Variants in ANKRD50 observed in about 807,000 individuals in gnomAD.
ANKRD50 encodes the protein ankyrin repeat domain-containing protein 50.
ANKRD50 carries 40 observed loss-of-function variants against 112.0 expected under a neutral mutation model. The observed-to-expected ratio is 0.36, with a 90% confidence interval of 0.28 to 0.46. ANKRD50 has a LOEUF of 0.46. Among genes scored for constraint, ANKRD50 ranks in the 20% least tolerant of loss-of-function variants. The probability of loss-of-function intolerance (pLI) is 1.00; values close to 1 mark genes in which losing one functional copy is unlikely to be tolerated. For missense variants in ANKRD50, 1,487 were observed against 1,701.7 expected, an observed-to-expected ratio of 0.87 and a Z score of 2.22; for synonymous variants, 613 against 619.1, an observed-to-expected ratio of 0.99 and a Z score of 0.15.
chr4:124,701,723 C>T (rs1403531829), intron 2 of ANKRD50, among the ~76,000 whole-genome samples: 1 of 151,790 alleles, frequency 6.6e-6, no homozygotes, highest in Non-Finnish European at 1.5e-5. Context: ...GATGGGGTCT[C>T]ACTGTGTTGC....
chr4:124,676,890 G>A (rs1730785892), intron 3 of ANKRD50, among the ~76,000 whole-genome samples: 1 of 151,490 alleles, frequency 6.6e-6, no homozygotes, highest in Non-Finnish European at 1.5e-5. Flanking sequence ...TGGAAAAAAG[G>A]CAAATTGATG....
In ANKRD50 at chr4:124,710,143, A is replaced by G. The variant is rs1480962795; in HGVS notation, c.369T>C (p.Val123=). The G allele has an allele frequency of 6.2e-7, 1 of 1,614,192 alleles. No individual in the cohort carries two copies. Among genetic ancestry groups the G allele is most frequent in the South Asian group, 1.1e-5 (1 of 91,084 alleles). Reference sequence around the variant, plus strand: ...CTACTAGACCTCTAATAAACCCTCCAACACACAAAGTATCAGAGTCCTGGG... The same window carrying G: ...CTACTAGACCTCTAATAAACCCTCCGACACACAAAGTATCAGAGTCCTGGG... The part of the protein sequence containing the change: ...CKAQDSDTLC[V]GGFIRGLVAQ... The change falls in exon 2 of 5, where the codon GTT becomes GTC. Residue 123 remains valine, a synonymous_variant. Transcript: ENST00000504087.
chr4:124,682,178 C>T lies in ANKRD50; in HGVS notation c.513-3273G>A, dbSNP rs1323163910. 2.4e-3 allele frequency among the ~76,000 whole-genome samples: 361 copies of T among 151,640 alleles called. 2 individuals are homozygous for T. Among genetic ancestry groups the T allele is most frequent in the African/African-American group, 8.3e-3 (344 of 41,318 alleles). On this transcript the variant is annotated intron_variant, in intron 2 of 4. Coordinates refer to ENST00000504087, the MANE Select transcript of ANKRD50 (RefSeq NM_020337.3). ...AAAAATACAAAAAATTAGCCGGGCG[C>T]GGTGGCAGGCGCCTGTAGTCCCAGC...
rs1377583354 is a variant in ANKRD50, at chr4:124,670,609, C to T, written c.2668G>A (p.Glu890Lys). ...GRIPFILASQ[E>K]GHYDCVQILL... is the part of the protein sequence containing the mutation. ...ATTTGAACACAATCATAATGACCCT[C>T]TTGTGAAGCTAATATGAAAGGGATT... The change falls in exon 4 of 5, where the codon GAG becomes AAG. Residue 890 changes from glutamate to lysine, a missense_variant. By Grantham distance (56) the Glu-to-Lys change is moderately conservative. Transcript: ENST00000504087. The T allele has an allele frequency of 1.9e-6, 3 of 1,613,404 alleles. No homozygotes were observed. In the African/African-American group the frequency reaches 4.0e-5, roughly 22 times the overall value.
chr4:124,681,315 T>C (rs7656458), intron 2 of ANKRD50, among the ~76,000 whole-genome samples: 45,837 of 152,022 alleles, frequency 0.3, 7,179 homozygotes, highest in East Asian at 0.38. Context: ...CCAGGAAAGG[T>C]AATCAAGGCA....
In ANKRD50 at chr4:124,710,043, G is replaced by T. The variant is rs769084527; in HGVS notation, c.469C>A (p.Gln157Lys). The change falls in exon 2 of 5, where the codon CAG (glutamine) becomes AAG (lysine). Residue 157 changes from glutamine to lysine, a missense_variant. Physicochemically the swap from Gln to Lys is moderately conservative, Grantham distance 53. Transcript: ENST00000504087. ...GGGTTTCTCTCGCACTCCCCAGGCTGTAAGAGGCTTTGGACTGCTGGATCC... is the reference window on the plus strand; with the variant it reads ...GGGTTTCTCTCGCACTCCCCAGGCTTTAAGAGGCTTTGGACTGCTGGATCC... ...LRDPAVQSLL[Q>K]PGECERNPAE... 4 of 1,614,162 alleles carry T rather than the reference G, an allele frequency of 2.5e-6. No individual in the cohort carries two copies. The highest frequency in any genetic ancestry group is 2.5e-6 in the Non-Finnish European group (3 of 1,180,038).
intron 2 of ANKRD50, among the ~76,000 whole-genome samples, chr4:124,686,533 A>G (rs1725011554): frequency 6.6e-6 from 1 of 152,180 alleles, no homozygotes; most frequent in Admixed American, 6.5e-5. Context: ...ACCCCTATGG[A>G]AAAGCCTTAA....
chr4:124,676,352 AAAT>A (rs942593371), intron 3 of ANKRD50, among the ~76,000 whole-genome samples: 21 of 151,702 alleles, frequency 1.4e-4, no homozygotes, highest in African/African-American at 3.6e-4. Context: ...ATATAATTTA[AAAT>A]AATAATAATG....
rs1407827408 is a variant in ANKRD50 at position 124,665,369 on chromosome 4, C to T, written c.*2149G>A. 6.6e-6 allele frequency: 1 copy of T among 152,228 alleles called. No individual in the cohort carries two copies. The highest frequency in any genetic ancestry group is 2.4e-5 in the African/African-American group (1 of 41,400). 9.4% of individuals were successfully genotyped at this position (152,228 alleles called of 1,614,324 possible). On this transcript the variant is annotated 3_prime_UTR_variant, in exon 5 of 5. Coordinates refer to ENST00000504087, the MANE Select transcript of ANKRD50 (RefSeq NM_020337.3). ...AGTTAGCTCTTTGAAAAACATAAAT[C>T]CCTTATGCAATGTCATATCTTCGCC...
intron 2 of ANKRD50, among the ~76,000 whole-genome samples, chr4:124,702,059 AG>A (rs1725405301): frequency 6.6e-6 from 1 of 152,200 alleles, no homozygotes. Flanking sequence ...ATTCCCTAGA[AG>A]CTTTAATATG....
Position 124,671,552 on chromosome 4 carries a change from A to G in ANKRD50, c.1725T>C (p.Asp575=), listed in dbSNP as rs1479397086. The G allele has an allele frequency of 3.1e-6, 5 of 1,613,834 alleles. No homozygotes were observed. The highest frequency in any genetic ancestry group is 2.2e-5 in the East Asian group (1 of 44,850). ...GAGTGAGTGGTGTATGTCCATGAGC[A>G]TCTTCTATCTCTAAATCTGCTCCCC... ...VSRGADLEIE[D]AHGHTPLTLA... The change falls in exon 4 of 5, where the codon GAT becomes GAC. Residue 575 remains aspartate (D), a synonymous_variant. Transcript: ENST00000504087.
chr4:124,697,191 T>G (rs1341484659), intron 2 of ANKRD50, among the ~76,000 whole-genome samples: 1 of 152,196 alleles, frequency 6.6e-6, no homozygotes, highest in Non-Finnish European at 1.5e-5. Flanking sequence ...TAGGTCTAGA[T>G]TCAGGGAAGA....
intron 2 of ANKRD50, among the ~76,000 whole-genome samples, chr4:124,698,997 A>G (rs990975352): frequency 4.7e-4 from 71 of 152,330 alleles, no homozygotes; most frequent in African/African-American, 1.6e-3. Context: ...ATGAATTAAA[A>G]GAAGTTTGAA....
chr4:124,693,322 T>C (rs1265711627), intron 2 of ANKRD50, among the ~76,000 whole-genome samples: 4 of 152,202 alleles, frequency 2.6e-5, no homozygotes, highest in Admixed American at 1.3e-4. Context: ...AACAGTCCTG[T>C]TTGTTTGCTA....
At chr4:124,675,291 G>C (rs1181463287) in intron 3 of ANKRD50, among the ~76,000 whole-genome samples, 1 of 151,768 alleles carries the variant, frequency 6.6e-6, no homozygotes, top group African/African-American at 2.4e-5. Flanking sequence ...TGAAAACAGA[G>C]TGAAAGAGAA....
intron 2 of ANKRD50, among the ~76,000 whole-genome samples, chr4:124,684,421 C>G (rs1724959107): frequency 6.6e-6 from 1 of 152,008 alleles, no homozygotes; most frequent in Non-Finnish European, 1.5e-5. Context: ...TTTACTACAC[C>G]CAATACCTTT....
intron 2 of ANKRD50, among the ~76,000 whole-genome samples, chr4:124,703,204 A>G (rs1725430341): frequency 1.3e-5 from 2 of 151,862 alleles, no homozygotes; most frequent in African/African-American, 4.8e-5. Flanking sequence ...ACAAATACTG[A>G]AAAAAAATAC....
At position 124,666,966 on chromosome 4, in the gene ANKRD50, T is replaced by C. The variant is rs1160669149; in HGVS notation, c.*552A>G. The C allele has an allele frequency of 6.6e-6, 1 of 152,020 alleles. No individual in the cohort carries two copies. The highest frequency in any genetic ancestry group is 6.6e-5 in the Admixed American group (1 of 15,220). The allele number at this position is 152,020 out of a possible 1,614,324, so 9.4% of individuals were successfully genotyped here. A position where few individuals can be genotyped will look rare whatever the true frequency, so the allele number is the denominator to read the frequency against. Reference sequence around the variant, plus strand: ...TTTTTTCATTTCAATGTGATATTTATATAGAAAATGATTTTTATCCAATGC... The same window carrying C: ...TTTTTTCATTTCAATGTGATATTTACATAGAAAATGATTTTTATCCAATGC... On this transcript the variant is annotated 3_prime_UTR_variant, in exon 5 of 5. Transcript: ENST00000504087.
At position 124,669,257 on chromosome 4, in the gene ANKRD50, A is replaced by C; in HGVS notation, c.4020T>G (p.Gly1340=). The C allele has an allele frequency of 6.2e-7, 1 of 1,613,720 alleles. No individual in the cohort carries two copies. The change falls in exon 4 of 5, where the codon GGT becomes GGG. Residue 1340 remains glycine, a synonymous_variant. Transcript: ENST00000504087. ...IMIPSAQQEI[G]RSQQQFLIHQ... ...GAATAAGAAACTGCTGTTGAGATCG[A>C]CCAATTTCCTGCTGAGCTGAAGGTA...
Sources: gnomAD v4.1 joint callset for allele counts (sites outside exome capture counted in the v4.1 genomes callset) on GRCh38, gnomAD v4.1.1 for gene constraint, MANE v1.5 for transcripts, NCBI Gene and HGNC (gene_info 2026-07-23, HGNC 2026-07-21) for gene names.